AHDC1: variants seen among roughly 807,000 people sequenced by gnomAD.
AHDC1 encodes transcription factor Gibbin.
AHDC1 carries 7 observed loss-of-function variants against 87.9 expected under a neutral mutation model. The observed-to-expected ratio is 0.08, with a 90% CI of 0.05 to 0.15. AHDC1 has a LOEUF of 0.15. AHDC1 is among the 10% of genes least tolerant of loss of function. The probability of loss-of-function intolerance (pLI) is 1.00; values close to 1 mark genes in which losing one functional copy is unlikely to be tolerated. For missense variants in AHDC1, 1,841 were observed against 2,253.2 expected, an observed-to-expected ratio of 0.82 and a Z score of 3.70; for synonymous variants, 1,051 against 1,006.8, an observed-to-expected ratio of 1.04 and a Z score of -0.83.
At chr1:27,587,463 T>C (rs1195050805) in intron 3 of AHDC1, among the ~76,000 whole-genome samples, 1 of 152,126 alleles carries the variant, frequency 6.6e-6, no homozygotes, top group East Asian at 1.9e-4. Context: ...CTAGCTTGCT[T>C]GGAAGCTCCT....
At chr1:27,559,227 T>A (rs530342044) in intron 3 of AHDC1, among the ~76,000 whole-genome samples, 89 of 151,762 alleles carry the variant, frequency 5.9e-4, no homozygotes, top group African/African-American at 1.1e-3. Flanking sequence ...ATTTTTTTTT[T>A]AAATTTTTTG....
At chr1:27,596,758 C>T (rs547601903) in intron 3 of AHDC1, among the ~76,000 whole-genome samples, 1 of 152,162 alleles carries the variant, frequency 6.6e-6, no homozygotes, top group African/African-American at 2.4e-5. Flanking sequence ...ACATACCCCA[C>T]CCTGCAAAAC....
intron 3 of AHDC1, among the ~76,000 whole-genome samples, chr1:27,587,005 G>A (rs1330967539): frequency 1.3e-5 from 2 of 152,152 alleles, no homozygotes; most frequent in African/African-American, 4.8e-5. Flanking sequence ...CCATCTCTGA[G>A]GACCCCTCAC....
At chr1:27,580,483 C>T (rs1245517111) in intron 3 of AHDC1, among the ~76,000 whole-genome samples, 1 of 152,180 alleles carries the variant, frequency 6.6e-6, no homozygotes, top group African/African-American at 2.4e-5. Context: ...CCTCCCATAC[C>T]TGTCCCCTTC....
chr1:27,547,664 A>T lies in AHDC1; in HGVS notation c.4452T>A (p.Gly1484=). The change falls in exon 8 of 9, where the codon GGT becomes GGA. Residue 1484 remains glycine (G), a synonymous_variant. Transcript: ENST00000673934. This position sits in a 1 kb window ranked among gnomAD's most constrained non-coding sequence, Gnocchi z 4.9. Reference sequence around the variant, plus strand: ...CCAGGAAGTCAGCCAGCAGCCCTGTACCCACCTTGCCTTCATAGGGCGGGC... The same window carrying T: ...CCAGGAAGTCAGCCAGCAGCCCTGTTCCCACCTTGCCTTCATAGGGCGGGC... The part of the protein sequence containing the change: ...ARSPPYEGKV[G]TGLLADFLGR... 1 of 1,597,228 alleles carries T rather than the reference A, an allele frequency of 6.3e-7. No individual in the cohort carries two copies. Among genetic ancestry groups the T allele is most frequent in the Non-Finnish European group, 8.5e-7 (1 of 1,171,864 alleles).
At position 27,550,895 on chromosome 1, in the gene AHDC1, G is replaced by A. The variant is rs371253870; in HGVS notation, c.1221C>T (p.Ala407=). 1.5e-5 allele frequency: 24 copies of A among 1,591,876 alleles called. No homozygotes were observed. The highest frequency in any genetic ancestry group is 1.7e-4 in the Middle Eastern group (1 of 6,034). Residue 407 remains alanine, a synonymous_variant, in exon 8 of 9, where the codon GCC becomes GCT. Coordinates refer to ENST00000673934, the MANE Select transcript of AHDC1 (RefSeq NM_001371928.1). ...GGGGCAGTAGGCGGCCCTCGGGTCC[G>A]GCGTCTGCCTTGCGTCCCCGTCCGG... The part of the protein sequence containing the change: ...RKAGRGRKAD[A]GPEGRLLPLP...
Position 27,549,974 on chromosome 1 carries a change from GC to G in AHDC1, c.2141del (p.Gly714AlafsTer18). The G allele has an allele frequency of 6.2e-7, 1 of 1,605,768 alleles. No homozygotes were observed. On this transcript the variant is annotated frameshift_variant, in exon 8 of 9. Transcript: ENST00000673934. LOFTEE classifies it high-confidence loss of function. ...GGTGCCCCAACTCAGTAAGGCCCGG[GC>G]CCCCGACCCCAGCGGCTGCCACGGC... ...VVAVAAAGVG[G>X]PGLTELGHPR...
rs932728258 is a variant in AHDC1, at chr1:27,552,157, T to G, written c.-42A>C. ...GCAGGCCGCCGGGCGGGGCCGGGGC[T>G]GACATGAGGGTGCGAGAAGCCGGGA... On this transcript the variant is annotated 5_prime_UTR_variant, in exon 8 of 9. Transcript: ENST00000673934. The G allele has an allele frequency of 1.4e-6, 2 of 1,432,060 alleles. No individual in the cohort carries two copies. Among genetic ancestry groups the G allele is most frequent in the Non-Finnish European group, 1.8e-6 (2 of 1,094,836 alleles). The allele number at this position is 1,432,060 out of a possible 1,614,324, so 88.7% of individuals were successfully genotyped here. A position where few individuals can be genotyped will look rare whatever the true frequency, so the allele number is the denominator to read the frequency against.
At chr1:27,602,984 A>C (rs546876409) in intron 3 of AHDC1, among the ~76,000 whole-genome samples, 644 of 42,626 alleles carry the variant, frequency 0.015, no homozygotes, top group Middle Eastern at 0.025. Context: ...TCCCCCCTTC[A>C]TTCCCCCCCC....
Position 27,548,210 on chromosome 1 carries a change from G to C in AHDC1, c.3906C>G (p.Val1302=). 1 of 1,613,618 alleles carries C rather than the reference G, an allele frequency of 6.2e-7. No individual in the cohort carries two copies. The highest frequency in any genetic ancestry group is 2.2e-5 in the East Asian group (1 of 44,892). The change falls in exon 8 of 9, where the codon GTC becomes GTG. Residue 1302 remains valine (V), a synonymous_variant. Transcript: ENST00000673934. ...CAGGACTGTCCTGGAACAGTGGGTT[G>C]ACTGGCTGTGGCTTGGGGATGAACT... The part of the protein sequence containing the change: ...KAKFIPKPQP[V]NPLFQDSPDL...
intron 7 of AHDC1, 35 bp downstream of exon 7, chr1:27,552,857 C>A (rs2019641211): frequency 6.5e-6 from 1 of 152,718 alleles, no homozygotes; most frequent in African/African-American, 2.4e-5. Context: ...TCCTTCTTAC[C>A]CCGAAAGGGC....
At position 27,560,503 on chromosome 1, in the gene AHDC1, T is replaced by A. The variant is rs1047623315; in HGVS notation, c.-628-1620A>T. ...CTGTGACTGCAGGCACTGGTGTCACTGTGGATCAGTGTTGCCTCCCTCCCA... is the reference window on the plus strand; with the variant it reads ...CTGTGACTGCAGGCACTGGTGTCACAGTGGATCAGTGTTGCCTCCCTCCCA... On this transcript the variant is annotated intron_variant, in intron 3 of 8. Transcript: ENST00000673934. The surrounding 1 kb of genome is among the most constrained non-coding windows in gnomAD (Gnocchi z 4.1). 6.6e-6 allele frequency among the ~76,000 whole-genome samples: 1 copy of A among 152,122 alleles called. No individual in the cohort carries two copies. The highest frequency in any genetic ancestry group is 1.5e-5 in the Non-Finnish European group (1 of 68,004).
rs757602681 is a variant in AHDC1, at chr1:27,560,333, C to T, written c.-628-1450G>A. On this transcript the variant is annotated intron_variant, in intron 3 of 8. Coordinates refer to ENST00000673934, the MANE Select transcript of AHDC1 (RefSeq NM_001371928.1). This position sits in a 1 kb window ranked among gnomAD's most constrained non-coding sequence, Gnocchi z 4.1. ...GTGTGAGCATGCCTGGGTGTGCACACGCTTTGCCTGGCTCTCTGCATCTCG... is the reference window on the plus strand; with the variant it reads ...GTGTGAGCATGCCTGGGTGTGCACATGCTTTGCCTGGCTCTCTGCATCTCG... Among the ~76,000 whole-genome samples, 7 of 152,024 alleles carry T rather than the reference C, an allele frequency of 4.6e-5. No individual in the cohort carries two copies. Among genetic ancestry groups the T allele is most frequent in the Non-Finnish European group, 8.8e-5 (6 of 68,020 alleles).
In AHDC1 at chr1:27,551,673, C is replaced by T. The variant is rs1325485487; in HGVS notation, c.443G>A (p.Gly148Asp). 1.2e-6 allele frequency: 2 copies of T among 1,613,728 alleles called. No individual in the cohort carries two copies. Among genetic ancestry groups the T allele is most frequent in the South Asian group, 1.1e-5 (1 of 91,074 alleles). The change falls in exon 8 of 9, where the codon GGT (glycine) becomes GAT (aspartate). Residue 148 changes from glycine (G) to aspartate (D), a missense_variant. By Grantham distance (94) the Gly-to-Asp change is moderately conservative (BLOSUM62 -1). This residue lies in a region of AHDC1 where 50 missense variants were observed against 104.3 expected (regional missense o/e 0.48). Coordinates refer to ENST00000673934, the MANE Select transcript of AHDC1 (RefSeq NM_001371928.1). ...LQHSGVHLDC[G>D]GLRLSRPPAP... ...AGGCGGGCGGCTCAGTCGGAGCCCA[C>T]CACAGTCCAGGTGTACACCACTGTG...
Position 27,549,346 on chromosome 1 carries a change from C to T in AHDC1, c.2770G>A (p.Gly924Arg). ...VLSARQTFPPGRAASYGLTPA... is the reference protein window; with the variant it reads ...VLSARQTFPPRRAASYGLTPA... The stretch of plus-strand genomic sequence containing the variant: ...GTTAGCCCATAGCTTGCTGCTCGTC[C>T]TGGTGGGAAGGTCTGGCGCGCGGAC... Residue 924 changes from glycine to arginine, a missense_variant, in exon 8 of 9, where the codon GGA becomes AGA. Physicochemically the swap from Gly to Arg is moderately radical, Grantham distance 125. Around this residue, in one of 13 missense-constraint regions of AHDC1, gnomAD observed 378 missense variants for 399.0 expected, o/e 0.95. Transcript: ENST00000673934. The T allele has an allele frequency of 6.2e-7, 1 of 1,611,834 alleles. No homozygotes were observed. The highest frequency in any genetic ancestry group is 1.1e-5 in the South Asian group (1 of 90,986).
intron 3 of AHDC1, among the ~76,000 whole-genome samples, chr1:27,601,313 T>C (rs2089523191): frequency 6.6e-6 from 1 of 152,224 alleles, no homozygotes; most frequent in African/African-American, 2.4e-5. Flanking sequence ...TTGGGCACAG[T>C]TAGGCACTGA....
At chr1:27,536,409 T>G (rs1267121132) in intron 8 of AHDC1, among the ~76,000 whole-genome samples, 2 of 152,172 alleles carry the variant, frequency 1.3e-5, no homozygotes, top group African/African-American at 4.8e-5. Flanking sequence ...TCAGGTTGCC[T>G]GCAGTTGCAG....
intron 8 of AHDC1, 72 bp from the exon 9 acceptor site, chr1:27,534,988 G>A (rs1329252265): frequency 6.6e-6 from 1 of 152,212 alleles, no homozygotes; most frequent in Non-Finnish European, 1.5e-5. Flanking sequence ...TCAGGGAAGT[G>A]AAGAGGGAGA....
At chr1:27,582,873 G>A (rs1449888639) in intron 3 of AHDC1, among the ~76,000 whole-genome samples, 1 of 152,188 alleles carries the variant, frequency 6.6e-6, no homozygotes, top group Non-Finnish European at 1.5e-5. Flanking sequence ...CTGCCTTCTT[G>A]ATCACTATAC....
Sources: gnomAD v4.1 joint callset for allele counts (sites outside exome capture counted in the v4.1 genomes callset) on GRCh38, gnomAD v4.1.1 for gene constraint, gnomAD v4.1.1 regional missense constraint, Gnocchi (gnomAD v3.1) non-coding constraint, MANE v1.5 for transcripts, NCBI Gene and HGNC (gene_info 2026-07-23, HGNC 2026-07-21) for gene names.